The following SMAD2 variants were observed in gnomAD, a reference collection of about 807,000 sequenced individuals.
The protein encoded by SMAD2 is SMAD family member 2.
SMAD2 carries 8 observed loss-of-function variants against 64.4 expected under a neutral mutation model. That is an observed-to-expected ratio of 0.12 (90% CI 0.07 to 0.22). The LOEUF (loss-of-function observed/expected upper bound fraction) is 0.22, where lower values mean the gene tolerates loss of function less well. SMAD2 is among the 10% of genes least tolerant of loss of function. The pLI, the probability that SMAD2 is intolerant of heterozygous loss-of-function variation, is 1.00. For missense variants in SMAD2, 289 were observed against 561.2 expected (o/e 0.51, Z 4.90); for synonymous variants, 203 against 195.8 (o/e 1.04, Z -0.31).
chr18:47,894,463 A>G (rs1031010680), intron 2 of SMAD2, among the ~76,000 whole-genome samples: 1 of 152,120 alleles, frequency 6.6e-6, no homozygotes, highest in East Asian at 1.9e-4. Context: ...TATACACACT[A>G]TGGCCATTTG....
intron 2 of SMAD2, among the ~76,000 whole-genome samples, chr18:47,871,297 G>A (rs2031918409): frequency 6.6e-6 from 1 of 152,166 alleles, no homozygotes; most frequent in African/African-American, 2.4e-5. Context: ...CAAGTACTAA[G>A]TTGTACTTTT....
chr18:47,867,844 ATGTAAGTGT>A (rs969691248), intron 5 of SMAD2, among the ~76,000 whole-genome samples: 3 of 152,146 alleles, frequency 2.0e-5, no homozygotes, highest in African/African-American at 7.2e-5. Flanking sequence ...GTGTTATAAT[ATGTAAGTGT>A]TGCTATGTCT....
At chr18:47,844,018 T>C (rs1042236310) in intron 10 of SMAD2, among the ~76,000 whole-genome samples, 1 of 152,210 alleles carries the variant, frequency 6.6e-6, no homozygotes, top group African/African-American at 2.4e-5. Context: ...AAATCTAATT[T>C]TGCTATCAAC....
At chr18:47,909,869 T>A (rs1299894957) in intron 1 of SMAD2, among the ~76,000 whole-genome samples, 1 of 152,186 alleles carries the variant, frequency 6.6e-6, no homozygotes, top group Non-Finnish European at 1.5e-5. Flanking sequence ...GTGATCTACT[T>A]GTCCCTGAAC....
At chr18:47,928,910 C>A (rs1414515562) in intron 1 of SMAD2, among the ~76,000 whole-genome samples, 1 of 152,206 alleles carries the variant, frequency 6.6e-6, no homozygotes. Flanking sequence ...AAAGTGGGCA[C>A]ACTCTTTAGA....
chr18:47,925,011 A>T (rs1471609372), intron 1 of SMAD2, among the ~76,000 whole-genome samples: 1 of 152,184 alleles, frequency 6.6e-6, no homozygotes, highest in Non-Finnish European at 1.5e-5. Flanking sequence ...CCAGTGGTTC[A>T]CCCAAGATTA....
chr18:47,863,482 T>C (rs2031337908), intron 6 of SMAD2, among the ~76,000 whole-genome samples: 1 of 152,230 alleles, frequency 6.6e-6, no homozygotes, highest in Admixed American at 6.5e-5. Context: ...AATACTTGTA[T>C]TATTGCTCCT....
chr18:47,911,066 T>C (rs2034108217), intron 1 of SMAD2, among the ~76,000 whole-genome samples: 1 of 152,008 alleles, frequency 6.6e-6, no homozygotes, highest in Admixed American at 6.6e-5. Context: ...ATAATGGCCA[T>C]AACTGCCAGG....
At chr18:47,887,246 A>T (rs2032960994) in intron 2 of SMAD2, among the ~76,000 whole-genome samples, 1 of 152,234 alleles carries the variant, frequency 6.6e-6, no homozygotes, top group Non-Finnish European at 1.5e-5. Flanking sequence ...GTCTTCAGAA[A>T]TTAAAATCCA....
In SMAD2 at chr18:47,828,213, C is replaced by T. The variant is rs1021623646; in HGVS notation, c.*13614G>A. The T allele has an allele frequency of 1.9e-5, 3 of 155,496 alleles. No individual in the cohort carries two copies. The highest frequency in any genetic ancestry group is 4.2e-5 in the Non-Finnish European group (3 of 70,948). 9.6% of individuals were successfully genotyped at this position (155,496 alleles called of 1,614,324 possible). A position where few individuals can be genotyped will look rare whatever the true frequency, so the allele number is the denominator to read the frequency against. ...GAGCGTCTCCGCCCAGCAGCCGCCC[C>T]GTCTGGGAGGGAGGTGGGGGGCAGC... On this transcript the variant is annotated 3_prime_UTR_variant, in exon 11 of 11. Coordinates refer to ENST00000262160, the MANE Select transcript of SMAD2 (RefSeq NM_005901.6).
intron 1 of SMAD2, among the ~76,000 whole-genome samples, chr18:47,905,534 T>G (rs571227329): frequency 1.7e-4 from 26 of 151,148 alleles, no homozygotes; most frequent in African/African-American, 6.0e-4. Context: ...ATTTCAAGGC[T>G]TACTAAAAAG....
At chr18:47,874,315 T>C (rs1251018232) in intron 2 of SMAD2, among the ~76,000 whole-genome samples, 2 of 151,842 alleles carry the variant, frequency 1.3e-5, no homozygotes, top group African/African-American at 4.8e-5. Context: ...AACACTAAAG[T>C]ATCTACACTG....
intron 6 of SMAD2, among the ~76,000 whole-genome samples, chr18:47,863,642 T>C (rs888876420): frequency 7.2e-5 from 11 of 152,344 alleles, no homozygotes; most frequent in African/African-American, 2.6e-4. Flanking sequence ...TTCCTTTACA[T>C]GGTTGAATAA....
rs1912722956 is a variant in SMAD2, at chr18:47,825,571, G to C, written c.*16256C>G. On this transcript the variant is annotated 3_prime_UTR_variant, in exon 11 of 11. Coordinates refer to ENST00000262160, the MANE Select transcript of SMAD2 (RefSeq NM_005901.6). ...ATGCCCTTGAACTTCCCAGCCTGTA[G>C]AACTGTGAGCATCCTTCATAAGTGA... 6.5e-6 allele frequency: 1 copy of C among 152,774 alleles called. No homozygotes were observed. The highest frequency in any genetic ancestry group is 2.1e-4 in the South Asian group (1 of 4,832). The allele number at this position is 152,774 out of a possible 1,614,324, so 9.5% of individuals were successfully genotyped here. A position where few individuals can be genotyped will look rare whatever the true frequency, so the allele number is the denominator to read the frequency against.
rs1373969454 is a variant in SMAD2 at position 47,835,740 on chromosome 18, T to C, written c.*6087A>G. 5.3e-6 allele frequency: 1 copy of C among 189,410 alleles called. No individual in the cohort carries two copies. Among genetic ancestry groups the C allele is most frequent in the African/African-American group, 2.3e-5 (1 of 42,960 alleles). The allele number at this position is 189,410 out of a possible 1,614,324, so 11.7% of individuals were successfully genotyped here. A position where few individuals can be genotyped will look rare whatever the true frequency, so the allele number is the denominator to read the frequency against. The stretch of plus-strand genomic sequence containing the variant: ...AAATGGAAAATATATAATATTTAAG[T>C]ACTTTTATAATTCTAAAACTTCACT... On this transcript the variant is annotated 3_prime_UTR_variant, in exon 11 of 11. Transcript: ENST00000262160.
intron 8 of SMAD2, among the ~76,000 whole-genome samples, chr18:47,846,254 G>A (rs371943024): frequency 6.6e-6 from 1 of 151,996 alleles, no homozygotes. Context: ...ATATTATGGT[G>A]GAAACCCAAC....
rs938683600 is a variant in SMAD2 at position 47,840,348 on chromosome 18, T to C, written c.*1479A>G. On this transcript the variant is annotated 3_prime_UTR_variant, in exon 11 of 11. Coordinates refer to ENST00000262160, the MANE Select transcript of SMAD2 (RefSeq NM_005901.6). ...ACAAGAAGAAATGTTTAAACTGCAA[T>C]GAGTCAACATCAGACATAATAATTA... The C allele has an allele frequency of 2.1e-5, 5 of 232,778 alleles. No homozygotes were observed. The highest frequency in any genetic ancestry group is 1.1e-4 in the Admixed American group (2 of 17,786). 14.4% of individuals were successfully genotyped at this position (232,778 alleles called of 1,614,324 possible).
chr18:47,884,816 G>C lies in SMAD2; in HGVS notation c.236+11705C>G, dbSNP rs905010066. ...CTTTGATATAGTATAGCCTTTCTTA[G>C]AAGAAGGACCAGGTGATGATTGAAA... On this transcript the variant is annotated intron_variant, in intron 2 of 10. Coordinates refer to ENST00000262160, the MANE Select transcript of SMAD2 (RefSeq NM_005901.6). Among the ~76,000 whole-genome samples the C allele has an allele frequency of 1.4e-4, 22 of 151,852 alleles. 1 individual carries two copies. Among genetic ancestry groups the C allele is most frequent in the Admixed American group, 1.1e-3 (17 of 15,246 alleles).
chr18:47,824,363 T>G lies in SMAD2; in HGVS notation c.*17464A>C, dbSNP rs1912676948. On this transcript the variant is annotated 3_prime_UTR_variant, in exon 11 of 11. Coordinates refer to ENST00000262160, the MANE Select transcript of SMAD2 (RefSeq NM_005901.6). ...TTACACAGAAAATACTTTTGGGACA[T>G]CTGCCTAGAAGCCGATTGTCCAAAC... 1.3e-5 allele frequency: 2 copies of G among 152,250 alleles called. No homozygotes were observed. The highest frequency in any genetic ancestry group is 1.3e-4 in the Admixed American group (2 of 15,284). The allele number at this position is 152,250 out of a possible 1,614,324, so 9.4% of individuals were successfully genotyped here.
Sources: gnomAD v4.1 joint callset for allele counts (sites outside exome capture counted in the v4.1 genomes callset) on GRCh38, gnomAD v4.1.1 for gene constraint, MANE v1.5 for transcripts, NCBI Gene and HGNC (gene_info 2026-07-23, HGNC 2026-07-21) for gene names.